Variants in KHDRBS3 observed in about 807,000 individuals in gnomAD.
KHDRBS3 encodes KH domain-containing, RNA-binding, signal transduction-associated protein 3.
A neutral mutation model predicts 45.6 loss-of-function variants in KHDRBS3; 23 were observed. The ratio of observed to expected loss-of-function variants is 0.50; its 90% CI spans 0.36 to 0.72. The LOEUF (loss-of-function observed/expected upper bound fraction) is 0.72. KHDRBS3 is among the 30% of genes least tolerant of loss of function. The pLI is 0.00. For synonymous variants in KHDRBS3, 162 were observed against 156.5 expected (o/e 1.04, Z -0.26); for missense variants, 352 against 424.8 (o/e 0.83, Z 1.51).
chr8:135,464,619 G>T (rs34887437), intron 1 of KHDRBS3, among the ~76,000 whole-genome samples: 1 of 152,188 alleles, frequency 6.6e-6, no homozygotes, highest in Non-Finnish European at 1.5e-5. Context: ...TTTCTGGAAG[G>T]GGGGAATATG....
chr8:135,530,626 C>T (rs1333210020), intron 2 of KHDRBS3, among the ~76,000 whole-genome samples: 1 of 152,120 alleles, frequency 6.6e-6, no homozygotes, highest in Non-Finnish European at 1.5e-5. Context: ...TTGGATACCC[C>T]ACAAACATCT....
intron 8 of KHDRBS3, among the ~76,000 whole-genome samples, chr8:135,645,737 A>G (rs916408294): frequency 1.3e-5 from 2 of 152,230 alleles, no homozygotes; most frequent in Non-Finnish European, 2.9e-5. Flanking sequence ...AATAATTAAA[A>G]GAATTGGCGG....
At chr8:135,566,801 C>T (rs1586732285) in intron 5 of KHDRBS3, among the ~76,000 whole-genome samples, 1 of 152,212 alleles carries the variant, frequency 6.6e-6, no homozygotes, top group East Asian at 1.9e-4. Context: ...AGGAAGCAGA[C>T]GTTGCAGTGA....
In KHDRBS3 at chr8:135,519,880, G is replaced by T. The variant is rs1824819295; in HGVS notation, c.89-1357G>T. Among the ~76,000 whole-genome samples, 3 of 152,208 alleles carry T rather than the reference G, an allele frequency of 2.0e-5. No homozygotes were observed. The South Asian group carries it at 6.2e-4, about 31-fold the overall frequency. ...ATTATGAAGCCCATTGGCTGTTTCA[G>T]TGGTGACAGAAGCCCCAGGCCCAAA... On this transcript the variant is annotated intron_variant, in intron 1 of 8. Coordinates refer to ENST00000355849, the MANE Select transcript of KHDRBS3 (RefSeq NM_006558.3).
intron 2 of KHDRBS3, among the ~76,000 whole-genome samples, chr8:135,530,140 G>A (rs1825399071): frequency 6.6e-6 from 1 of 152,018 alleles, no homozygotes; most frequent in Admixed American, 6.5e-5. Flanking sequence ...TACTTTGAGG[G>A]TACATCATAG....
At chr8:135,606,828 C>T (rs1829486273) in intron 6 of KHDRBS3, 127 bp from the exon 7 acceptor site, 5 of 602,518 alleles carry the variant, frequency 8.3e-6, no homozygotes, top group Non-Finnish European at 1.4e-5. Flanking sequence ...CTATATTTTT[C>T]TTTACACTAT....
In KHDRBS3 at chr8:135,457,490, C is replaced by G. The variant is rs1420016204; in HGVS notation, c.-377C>G. 1 of 147,364 alleles carries G rather than the reference C, an allele frequency of 6.8e-6. No homozygotes were observed. Among genetic ancestry groups the G allele is most frequent in the East Asian group, 2.0e-4 (1 of 5,096 alleles). 9.1% of individuals were successfully genotyped at this position (147,364 alleles called of 1,614,324 possible). ...GGGGCGGCGCGCGGCGTGCAGGTCGCAGCTGTGGCTCGGGTGCTGGCAGGT... is the reference window on the plus strand; with the variant it reads ...GGGGCGGCGCGCGGCGTGCAGGTCGGAGCTGTGGCTCGGGTGCTGGCAGGT... On this transcript the variant is annotated 5_prime_UTR_variant, in exon 1 of 9. Coordinates refer to ENST00000355849, the MANE Select transcript of KHDRBS3 (RefSeq NM_006558.3). The surrounding 1 kb of genome is among the most constrained non-coding windows in gnomAD (Gnocchi z 4.4).
chr8:135,635,318 A>G (rs1247254224), intron 7 of KHDRBS3, among the ~76,000 whole-genome samples: 1 of 152,230 alleles, frequency 6.6e-6, no homozygotes, highest in Non-Finnish European at 1.5e-5. Context: ...CAGCCCTTTC[A>G]AATAATAGAC....
chr8:135,553,254 ATATAT>A (rs1232064194), intron 4 of KHDRBS3, among the ~76,000 whole-genome samples: 21 of 152,046 alleles, frequency 1.4e-4, no homozygotes, highest in African/African-American at 3.6e-4. Context: ...TAATGAATAA[ATATAT>A]TATATTTTCA....
chr8:135,653,448 C>G (rs1183631140), intron 4 of KHDRBS3, among the ~76,000 whole-genome samples: 1 of 152,054 alleles, frequency 6.6e-6, no homozygotes, highest in African/African-American at 2.4e-5. Flanking sequence ...GAACATTTCC[C>G]CTTTACAGTG....
chr8:135,485,164 C>T (rs1446901913), intron 1 of KHDRBS3, among the ~76,000 whole-genome samples: 12 of 149,948 alleles, frequency 8.0e-5, no homozygotes, highest in Non-Finnish European at 1.8e-4. Flanking sequence ...TGTCTGTCCC[C>T]ACTACAATAT....
chr8:135,647,035 C>G lies in KHDRBS3; in HGVS notation c.992C>G (p.Ala331Gly), dbSNP rs201292624. The change falls in exon 9 of 9, where the codon GCG becomes GGG. Residue 331 changes from alanine (A) to glycine (G), a missense_variant. By Grantham distance (60) the Ala-to-Gly change is moderately conservative (BLOSUM62 0). This residue lies in a region of KHDRBS3 where 212 missense variants were observed against 209.6 expected (regional missense o/e 1.01). Coordinates refer to ENST00000355849, the MANE Select transcript of KHDRBS3 (RefSeq NM_006558.3). The part of the protein sequence containing the change: ...WTNSRHKAPS[A>G]RTAKGVYRDQ... ...AACTCAAGACACAAGGCACCTTCAG[C>G]GAGGACAGCAAAGGGCGTCTACAGA... The G allele has an allele frequency of 6.2e-7, 1 of 1,610,490 alleles. No individual in the cohort carries two copies. Among genetic ancestry groups the G allele is most frequent in the South Asian group, 1.1e-5 (1 of 90,994 alleles).
chr8:135,601,783 A>G (rs916490997), intron 6 of KHDRBS3, among the ~76,000 whole-genome samples: 3 of 152,180 alleles, frequency 2.0e-5, no homozygotes, highest in African/African-American at 7.2e-5. Flanking sequence ...ATCCCCTTCT[A>G]TACTTTGATT....
intron 6 of KHDRBS3, among the ~76,000 whole-genome samples, chr8:135,587,768 A>T (rs1370559461): frequency 6.6e-6 from 1 of 152,196 alleles, no homozygotes; most frequent in African/African-American, 2.4e-5. Flanking sequence ...TGAATTTCTA[A>T]AGTGAAACCA....
At chr8:135,481,543 C>T (rs182415435) in intron 1 of KHDRBS3, among the ~76,000 whole-genome samples, 44 of 152,104 alleles carry the variant, frequency 2.9e-4, no homozygotes, top group African/African-American at 8.0e-4. Flanking sequence ...GTGCTTGAAA[C>T]GAAATAGGTC....
intron 5 of KHDRBS3, 83 bp from the exon 6 acceptor site, chr8:135,581,795 T>C: frequency 9.3e-7 from 1 of 1,070,972 alleles, no homozygotes; most frequent in Non-Finnish European, 1.3e-6. Flanking sequence ...ACATTGATTT[T>C]GTTTCTGAGG....
intron 4 of KHDRBS3, among the ~76,000 whole-genome samples, chr8:135,652,850 C>T (rs192017170): frequency 6.6e-6 from 1 of 152,282 alleles, no homozygotes; most frequent in East Asian, 1.9e-4. Flanking sequence ...ATTACCATGC[C>T]TTATGCCTAG....
intron 1 of KHDRBS3, among the ~76,000 whole-genome samples, chr8:135,472,782 G>T (rs187404397): frequency 6.6e-6 from 1 of 152,256 alleles, no homozygotes; most frequent in African/African-American, 2.4e-5. Context: ...ATTACATGTG[G>T]TCTTTCTAGA....
At chr8:135,580,192 A>G (rs1440860740) in intron 5 of KHDRBS3, among the ~76,000 whole-genome samples, 1 of 152,218 alleles carries the variant, frequency 6.6e-6, no homozygotes, top group Non-Finnish European at 1.5e-5. Flanking sequence ...TGGCTGGCCC[A>G]GACTGGTCCC....
Sources: gnomAD v4.1 joint callset for allele counts (sites outside exome capture counted in the v4.1 genomes callset) on GRCh38, gnomAD v4.1.1 for gene constraint, gnomAD v4.1.1 regional missense constraint, Gnocchi (gnomAD v3.1) non-coding constraint, MANE v1.5 for transcripts, NCBI Gene and HGNC (gene_info 2026-07-23, HGNC 2026-07-21) for gene names.